Variants in PPP2R2B observed in about 807,000 individuals in gnomAD.
PPP2R2B encodes protein phosphatase 2 regulatory subunit Bbeta.
PPP2R2B carries 5 observed loss-of-function variants against 46.0 expected under a neutral mutation model. That is an observed-to-expected ratio of 0.11 (90% CI 0.06 to 0.23). The LOEUF (loss-of-function observed/expected upper bound fraction) is 0.23, where lower values mean the gene tolerates loss of function less well. Among genes scored for constraint, PPP2R2B ranks in the 10% least tolerant of loss-of-function variants. The pLI, the probability that PPP2R2B is intolerant of heterozygous loss-of-function variation, is 1.00. For synonymous variants in PPP2R2B, 215 were observed against 206.7 expected (o/e 1.04, Z -0.34); for missense variants, 367 against 575.0 (o/e 0.64, Z 3.70).
intron 2 of PPP2R2B, among the ~76,000 whole-genome samples, chr5:146,860,616 C>G (rs1760931753): frequency 6.6e-6 from 1 of 152,196 alleles, no homozygotes; most frequent in Non-Finnish European, 1.5e-5. Flanking sequence ...CACTAATCCA[C>G]TGACTAAACA....
At chr5:146,787,044 T>C (rs1169829457) in intron 2 of PPP2R2B, among the ~76,000 whole-genome samples, 1 of 152,232 alleles carries the variant, frequency 6.6e-6, no homozygotes, top group Non-Finnish European at 1.5e-5. Flanking sequence ...GATTTTCCTA[T>C]GGCCATGTGG....
intron 1 of PPP2R2B, among the ~76,000 whole-genome samples, chr5:146,976,540 C>T (rs1264654668): frequency 6.6e-6 from 1 of 152,046 alleles, no homozygotes; most frequent in Non-Finnish European, 1.5e-5. Context: ...ATTTTTTCCC[C>T]AGCTGATTAG....
intron 2 of PPP2R2B, among the ~76,000 whole-genome samples, chr5:146,727,864 A>G (rs1473626852): frequency 1.3e-5 from 2 of 151,534 alleles, no homozygotes; most frequent in East Asian, 1.9e-4. Flanking sequence ...CCCTTCCCCT[A>G]TCTCAACCCC....
intron 7 of PPP2R2B, among the ~76,000 whole-genome samples, chr5:146,634,167 C>T (rs1404514980): frequency 4.6e-5 from 7 of 152,120 alleles, no homozygotes; most frequent in Non-Finnish European, 4.4e-5. Context: ...CAATGGGCCT[C>T]ATCTCATCAG....
chr5:146,737,712 G>A (rs1027440383), intron 2 of PPP2R2B, among the ~76,000 whole-genome samples: 1 of 152,034 alleles, frequency 6.6e-6, no homozygotes, highest in Non-Finnish European at 1.5e-5. Context: ...TTTATAAATG[G>A]GAAACTCCAG....
At chr5:146,825,652 C>A (rs1758533017) in intron 2 of PPP2R2B, among the ~76,000 whole-genome samples, 1 of 152,178 alleles carries the variant, frequency 6.6e-6, no homozygotes, top group South Asian at 2.1e-4. Context: ...TAGCTGATAA[C>A]CTGGTTGAGT....
At position 146,589,886 on chromosome 5, in the gene PPP2R2B, A is replaced by T. The variant is rs962464549; in HGVS notation, c.*61T>A. 9.3e-6 allele frequency: 14 copies of T among 1,508,222 alleles called. No homozygotes were observed. Among genetic ancestry groups the T allele is most frequent in the Non-Finnish European group, 2.7e-6 (3 of 1,099,496 alleles). 93.4% of individuals were successfully genotyped at this position (1,508,222 alleles called of 1,614,324 possible). On this transcript the variant is annotated 3_prime_UTR_variant, in exon 10 of 10. Transcript: ENST00000394411. ...GCATCAAATGAAGACCCAAAGAAAC[A>T]TTTAAAAACTTGTTTGACTAGTATT...
chr5:146,667,059 A>G (rs1041497129), intron 5 of PPP2R2B, among the ~76,000 whole-genome samples: 1 of 152,240 alleles, frequency 6.6e-6, no homozygotes, highest in African/African-American at 2.4e-5. Context: ...TGAACAGTAG[A>G]TTCTGGATAA....
chr5:147,060,367 G>A (rs1036786316), upstream of PPP2R2B, among the ~76,000 whole-genome samples: 7 of 152,240 alleles, frequency 4.6e-5, no homozygotes, highest in Non-Finnish European at 1.0e-4. Context: ...TGGCTCACCC[G>A]TCTAATCCTA....
Position 146,878,359 on chromosome 5 carries a change from T to A in PPP2R2B, c.-124-164A>T, listed in dbSNP as rs1762025879. The stretch of plus-strand genomic sequence containing the variant: ...GGATGCTGCGCCTGCCTCCGCTGCC[T>A]CCGGGTGCCAAGATACGCCGTGCCC... On this transcript the variant is annotated intron_variant, in intron 1 of 9. Coordinates refer to ENST00000394411, the MANE Select transcript of PPP2R2B (RefSeq NM_181675.4). The surrounding 1 kb of genome is among the most constrained non-coding windows in gnomAD (Gnocchi z 4.5). The A allele has an allele frequency of 2.1e-6, 3 of 1,434,772 alleles. No homozygotes were observed. Among genetic ancestry groups the A allele is most frequent in the East Asian group, 5.0e-5 (2 of 39,872 alleles). 88.9% of individuals were successfully genotyped at this position (1,434,772 alleles called of 1,614,324 possible).
chr5:147,054,991 C>T (rs918678387), intron 1 of PPP2R2B, among the ~76,000 whole-genome samples: 3 of 152,168 alleles, frequency 2.0e-5, no homozygotes, highest in Non-Finnish European at 2.9e-5. Context: ...CACACATACA[C>T]GTATGCATAG....
intron 2 of PPP2R2B, among the ~76,000 whole-genome samples, chr5:146,805,305 C>G (rs546826064): frequency 6.6e-6 from 1 of 152,274 alleles, no homozygotes; most frequent in African/African-American, 2.4e-5. Context: ...GCAATGATGG[C>G]ATGCTGACTC....
At chr5:146,737,207 G>T (rs1470258808) in intron 2 of PPP2R2B, among the ~76,000 whole-genome samples, 1 of 152,162 alleles carries the variant, frequency 6.6e-6, no homozygotes, top group Non-Finnish European at 1.5e-5. Flanking sequence ...CACTGTGAAT[G>T]TTCATTGACT....
Position 146,617,579 on chromosome 5 carries a change from A to G in PPP2R2B, c.791-17119T>C, listed in dbSNP as rs555899167. ...TACCCAGTGTGTGTAAAGCACTATG[A>G]TAGGTGCTAGAGTTACAAGAGTGAG... On this transcript the variant is annotated intron_variant, in intron 7 of 9. Transcript: ENST00000394411. 2.0e-4 allele frequency among the ~76,000 whole-genome samples: 31 copies of G among 152,284 alleles called. No individual in the cohort carries two copies. In the South Asian group the frequency reaches 6.4e-3, roughly 32 times the overall value.
At chr5:146,842,032 G>A (rs1422721428) in intron 2 of PPP2R2B, among the ~76,000 whole-genome samples, 2 of 152,084 alleles carry the variant, frequency 1.3e-5, no homozygotes, top group Non-Finnish European at 2.9e-5. Context: ...CTGAGACAGG[G>A]ATTCATCCAT....
Position 146,600,382 on chromosome 5 carries a change from C to T in PPP2R2B, c.869G>A (p.Ser290Asn), listed in dbSNP as rs1356673233. ...IISSISDVKF[S>N]HSGRYIMTRD... ...GGTCATGATATACCTCCCACTGTGGCTGAACTTCACATCCGAAATCGAAGA... is the reference window on the plus strand; with the variant it reads ...GGTCATGATATACCTCCCACTGTGGTTGAACTTCACATCCGAAATCGAAGA... The change falls in exon 8 of 10, where the codon AGC (serine) becomes AAC (asparagine). Residue 290 changes from serine (S) to asparagine (N), a missense_variant. Around this residue, in one of 2 missense-constraint regions of PPP2R2B, gnomAD observed 361 missense variants for 545.5 expected, o/e 0.66. Transcript: ENST00000394411. 1 of 1,613,958 alleles carries T rather than the reference C, an allele frequency of 6.2e-7. No homozygotes were observed. Among genetic ancestry groups the T allele is most frequent in the East Asian group, 2.2e-5 (1 of 44,878 alleles).
intron 2 of PPP2R2B, among the ~76,000 whole-genome samples, chr5:146,726,126 C>G (rs1298694325): frequency 6.6e-6 from 1 of 152,102 alleles, no homozygotes; most frequent in African/African-American, 2.4e-5. Flanking sequence ...AGGGAAGAAT[C>G]CATCATGCCA....
intron 1 of PPP2R2B, among the ~76,000 whole-genome samples, chr5:147,011,991 T>G (rs1401372161): frequency 2.3e-4 from 34 of 146,698 alleles, no homozygotes; most frequent in Non-Finnish European, 4.1e-4. Context: ...AGTATTTTAT[T>G]GAGGATTTTT....
At chr5:147,075,578 T>C (rs1215034236) in intron 2 of PPP2R2B, among the ~76,000 whole-genome samples, 1 of 152,170 alleles carries the variant, frequency 6.6e-6, no homozygotes, top group Non-Finnish European at 1.5e-5. Context: ...ACCTCATAGC[T>C]ACTTCCTATT....
Sources: allele counts gnomAD v4.1 joint callset (sites outside exome capture counted in the v4.1 genomes callset), GRCh38; gene constraint gnomAD v4.1.1; regional missense constraint gnomAD v4.1.1; non-coding constraint Gnocchi (gnomAD v3.1); transcripts MANE v1.5; gene names NCBI Gene and HGNC (gene_info 2026-07-23, HGNC 2026-07-21).